SLC35F4: variants seen among roughly 807,000 people sequenced by gnomAD.
The protein encoded by SLC35F4 is chromosome 14 open reading frame 36.
Under a neutral mutation model 44.2 loss-of-function variants are expected in SLC35F4, and 24 were observed. That is an observed-to-expected ratio of 0.54 (90% CI 0.39 to 0.76). The LOEUF is 0.76. Among genes scored for constraint, SLC35F4 ranks in the 30% least tolerant of loss-of-function variants. SLC35F4 has a pLI of 0.00. For synonymous variants in SLC35F4, 238 were observed against 223.6 expected (o/e 1.06, Z -0.57); for missense variants, 562 against 586.1 (o/e 0.96, Z 0.42).
At position 57,738,922 on chromosome 14, in the gene SLC35F4, G is replaced by A. The variant is rs182508628; in HGVS notation, c.103+126801C>T. The stretch of plus-strand genomic sequence containing the variant: ...AAAAATGTGATTCAGGAGAAATCTA[G>A]GAGTTGTTCTGGATAGCTATCCTCC... On this transcript the variant is annotated intron_variant, in intron 1 of 7. Transcript: ENST00000556826. Among the ~76,000 whole-genome samples, 269 of 151,220 alleles carry A rather than the reference G, an allele frequency of 1.8e-3. 3 individuals are homozygous for A. The highest frequency in any genetic ancestry group is 6.3e-3 in the African/African-American group (259 of 41,268).
At chr14:57,741,280 C>A (rs966264388) in intron 1 of SLC35F4, among the ~76,000 whole-genome samples, 1 of 152,126 alleles carries the variant, frequency 6.6e-6, no homozygotes, top group African/African-American at 2.4e-5. Flanking sequence ...TCGGTAATAA[C>A]AAACTTCTCC....
chr14:57,682,923 C>T (rs1054490914), intron 1 of SLC35F4, among the ~76,000 whole-genome samples: 9 of 152,138 alleles, frequency 5.9e-5, no homozygotes, highest in African/African-American at 1.9e-4. Flanking sequence ...GGGCAACAGT[C>T]CAAACACTTC....
At chr14:57,956,012 G>A (rs1388992888) in intron 1 of SLC35F4, among the ~76,000 whole-genome samples, 10 of 152,090 alleles carry the variant, frequency 6.6e-5, no homozygotes, top group Admixed American at 5.2e-4. Context: ...AATAAAGCTG[G>A]AGGCATCACA....
At chr14:57,877,403 T>C (rs1182077295) in intron 1 of SLC35F4, among the ~76,000 whole-genome samples, 3 of 152,210 alleles carry the variant, frequency 2.0e-5, no homozygotes, top group South Asian at 2.1e-4. Flanking sequence ...CAGTCGACCA[T>C]TGATTGCCAT....
chr14:57,622,850 A>T (rs12888906), intron 1 of SLC35F4, among the ~76,000 whole-genome samples: 20,283 of 151,694 alleles, frequency 0.13, 1,484 homozygotes, highest in Non-Finnish European at 0.15. Flanking sequence ...TAAAAAAATT[A>T]AAAAAACCCC....
chr14:57,642,715 T>G (rs2073308436), intron 1 of SLC35F4, among the ~76,000 whole-genome samples: 1 of 151,972 alleles, frequency 6.6e-6, no homozygotes, highest in Non-Finnish European at 1.5e-5. Context: ...AGTGTCATAG[T>G]TTTAATGTTG....
In SLC35F4 at chr14:57,856,565, ACT is replaced by A. The variant is rs765868311; in HGVS notation, c.103+9156_103+9157del. On this transcript the variant is annotated intron_variant, in intron 1 of 7. Transcript: ENST00000556826. ...AAATGCAAAATACACATCAGAATAAACTCTGTAAAAACTACCACACTATCTAC... is the reference window on the plus strand; with the variant it reads ...AAATGCAAAATACACATCAGAATAAACTGTAAAAACTACCACACTATCTAC... Among the ~76,000 whole-genome samples, 3 of 152,148 alleles carry A rather than the reference ACT, an allele frequency of 2.0e-5. No individual in the cohort carries two copies. The South Asian group carries it at 6.2e-4, about 32-fold the overall frequency.
At chr14:57,891,784 G>T (rs1021423343) in intron 1 of SLC35F4, among the ~76,000 whole-genome samples, 2 of 152,132 alleles carry the variant, frequency 1.3e-5, no homozygotes, top group Non-Finnish European at 2.9e-5. Flanking sequence ...GCTGAGAAAA[G>T]AGAATCTCTT....
At chr14:57,624,553 C>T (rs2072371698) in intron 1 of SLC35F4, among the ~76,000 whole-genome samples, 1 of 152,138 alleles carries the variant, frequency 6.6e-6, no homozygotes, top group Admixed American at 6.5e-5. Context: ...TGAAAATCCT[C>T]AGTAAAATAC....
chr14:57,805,535 C>A (rs1881209074), intron 1 of SLC35F4, among the ~76,000 whole-genome samples: 1 of 152,060 alleles, frequency 6.6e-6, no homozygotes, highest in African/African-American at 2.4e-5. Context: ...AACCAAACAC[C>A]CCATGTTCTT....
chr14:57,726,089 G>A (rs1342227089), intron 1 of SLC35F4, among the ~76,000 whole-genome samples: 1 of 152,112 alleles, frequency 6.6e-6, no homozygotes, highest in Non-Finnish European at 1.5e-5. Context: ...TGTTGGCTGG[G>A]GTGATTGACC....
Position 57,866,073 on chromosome 14 carries a change from C to A in SLC35F4, c.-248G>T. On this transcript the variant is annotated 5_prime_UTR_variant, in exon 1 of 8. Transcript: ENST00000556826. Reference sequence around the variant, plus strand: ...CCTGGCAGCTCTCCCGCGCGCCACCCGGAGCACTGCTGCCCGAATAGCGCC... The same window carrying A: ...CCTGGCAGCTCTCCCGCGCGCCACCAGGAGCACTGCTGCCCGAATAGCGCC... 1 of 254,560 alleles carries A rather than the reference C, an allele frequency of 3.9e-6. No individual in the cohort carries two copies. The highest frequency in any genetic ancestry group is 7.3e-6 in the Non-Finnish European group (1 of 136,068). 15.8% of individuals were successfully genotyped at this position (254,560 alleles called of 1,614,324 possible).
At chr14:57,669,379 T>C (rs1215108706) in intron 1 of SLC35F4, among the ~76,000 whole-genome samples, 9 of 152,002 alleles carry the variant, frequency 5.9e-5, no homozygotes, top group Admixed American at 1.3e-4. Flanking sequence ...TGAATAGGAG[T>C]GGTGAGAGAG....
At chr14:57,758,926 T>C (rs1335995556) in intron 1 of SLC35F4, among the ~76,000 whole-genome samples, 1 of 152,182 alleles carries the variant, frequency 6.6e-6, no homozygotes. Context: ...ACCACCATTC[T>C]ATCCTCTTTC....
chr14:57,568,264 G>A (rs1258190371), intron 6 of SLC35F4, among the ~76,000 whole-genome samples: 1 of 152,342 alleles, frequency 6.6e-6, no homozygotes, highest in African/African-American at 2.4e-5. Context: ...CACAGGTGGC[G>A]TCCAGCCTCT....
At chr14:57,775,740 G>C (rs1222454033) in intron 1 of SLC35F4, among the ~76,000 whole-genome samples, 1 of 152,238 alleles carries the variant, frequency 6.6e-6, no homozygotes, top group Non-Finnish European at 1.5e-5. Flanking sequence ...AAAAGCCAGA[G>C]TGTCTTCTTT....
At chr14:57,740,180 C>T (rs2076569752) in intron 1 of SLC35F4, among the ~76,000 whole-genome samples, 1 of 152,148 alleles carries the variant, frequency 6.6e-6, no homozygotes, top group Admixed American at 6.6e-5. Context: ...CAATGATAAC[C>T]TGGCTCTTGG....
At chr14:57,667,151 T>A (rs1406027646) in intron 1 of SLC35F4, among the ~76,000 whole-genome samples, 2 of 146,646 alleles carry the variant, frequency 1.4e-5, no homozygotes, top group Non-Finnish European at 3.0e-5. Context: ...CACTCACAGA[T>A]GCATATGCGC....
intron 1 of SLC35F4, among the ~76,000 whole-genome samples, chr14:57,899,466 A>G (rs896010803): frequency 6.6e-6 from 1 of 152,230 alleles, no homozygotes; most frequent in African/African-American, 2.4e-5. Flanking sequence ...GCTGTGAGGA[A>G]CCAATAAGCA....
Sources: allele counts gnomAD v4.1 joint callset (sites outside exome capture counted in the v4.1 genomes callset), GRCh38; gene constraint gnomAD v4.1.1; transcripts MANE v1.5; gene names NCBI Gene and HGNC (gene_info 2026-07-23, HGNC 2026-07-21).